RAB3GAP2: variants seen among roughly 807,000 people sequenced by gnomAD.
RAB3GAP2 encodes the protein rab3 GTPase-activating protein non-catalytic subunit.
RAB3GAP2 carries 87 observed loss-of-function variants against 185.3 expected under a neutral mutation model. The observed-to-expected ratio is 0.47, with a 90% CI of 0.39 to 0.56. RAB3GAP2 has a LOEUF of 0.56. Ranked by LOEUF, RAB3GAP2 falls within the 20% of genes least tolerant of loss-of-function variation. RAB3GAP2 has a pLI of 0.00. For synonymous variants in RAB3GAP2, 554 were observed against 576.1 expected (o/e 0.96, Z 0.55); for missense variants, 1,492 against 1,638.2 (o/e 0.91, Z 1.54).
chr1:220,184,305 G>C, intron 18 of RAB3GAP2, 142 bp from the exon 19 acceptor site: 1 of 623,798 alleles, frequency 1.6e-6, no homozygotes, highest in Non-Finnish European at 2.5e-6. Flanking sequence ...AGCTATACCA[G>C]GTTTTGAAAG....
intron 9 of RAB3GAP2, among the ~76,000 whole-genome samples, chr1:220,201,976 C>A (rs1658869064): frequency 6.6e-6 from 1 of 151,992 alleles, no homozygotes; most frequent in Non-Finnish European, 1.5e-5. Context: ...ACCAACCCAG[C>A]CAACATGATG....
At chr1:220,189,980 T>A in intron 16 of RAB3GAP2, 84 bp downstream of exon 16, 1 of 1,245,616 alleles carries the variant, frequency 8.0e-7, no homozygotes, top group Non-Finnish European at 1.2e-6. Context: ...CATGCATTAT[T>A]TTGATTGCTC....
chr1:220,255,097 G>A (rs1361391044), intron 1 of RAB3GAP2, among the ~76,000 whole-genome samples: 1 of 151,538 alleles, frequency 6.6e-6, no homozygotes, highest in African/African-American at 2.4e-5. Context: ...TCTAATGCAC[G>A]TTTTAACATG....
intron 2 of RAB3GAP2, among the ~76,000 whole-genome samples, chr1:220,231,570 G>T (rs187261466): frequency 1.3e-5 from 2 of 151,906 alleles, no homozygotes; most frequent in East Asian, 3.9e-4. Context: ...AACTCCTTCC[G>T]TGTGGCCATG....
intron 24 of RAB3GAP2, among the ~76,000 whole-genome samples, chr1:220,170,354 C>T (rs1291324096): frequency 1.3e-5 from 2 of 151,774 alleles, no homozygotes; most frequent in African/African-American, 4.8e-5. Flanking sequence ...CACCATGGCA[C>T]GTGTATACCT....
intron 1 of RAB3GAP2, among the ~76,000 whole-genome samples, chr1:220,258,156 A>G (rs1291106517): frequency 6.6e-6 from 1 of 152,208 alleles, no homozygotes; most frequent in African/African-American, 2.4e-5. Context: ...ATTCTTCCAG[A>G]GGTACAAAGA....
At chr1:220,269,986 T>A (rs920902931) in intron 1 of RAB3GAP2, among the ~76,000 whole-genome samples, 1 of 152,154 alleles carries the variant, frequency 6.6e-6, no homozygotes, top group South Asian at 2.1e-4. Flanking sequence ...CTTGAAATAG[T>A]ATATTTCACT....
chr1:220,169,070 C>A (rs1373539365), intron 24 of RAB3GAP2, among the ~76,000 whole-genome samples: 1 of 152,042 alleles, frequency 6.6e-6, no homozygotes, highest in African/African-American at 2.4e-5. Context: ...AGAATTAAGC[C>A]CCTGATTCCA....
intron 24 of RAB3GAP2, among the ~76,000 whole-genome samples, chr1:220,169,307 C>T (rs1004419941): frequency 1.3e-5 from 2 of 152,106 alleles, no homozygotes; most frequent in Non-Finnish European, 2.9e-5. Context: ...CCAAAGACAA[C>T]TAAAAATGTA....
At chr1:220,180,036 C>T (rs1658371862) in intron 21 of RAB3GAP2, among the ~76,000 whole-genome samples, 1 of 152,092 alleles carries the variant, frequency 6.6e-6, no homozygotes, top group Non-Finnish European at 1.5e-5. Flanking sequence ...GTGGCGCATG[C>T]CTGTAGTCCC....
intron 21 of RAB3GAP2, among the ~76,000 whole-genome samples, chr1:220,181,904 T>C (rs1658413568): frequency 6.6e-6 from 1 of 150,854 alleles, no homozygotes; most frequent in Non-Finnish European, 1.5e-5. Flanking sequence ...AAAAAAAAAA[T>C]TGCCCAGTAG....
intron 9 of RAB3GAP2, among the ~76,000 whole-genome samples, chr1:220,199,629 C>T (rs1021618890): frequency 6.6e-6 from 1 of 152,146 alleles, no homozygotes; most frequent in Non-Finnish European, 1.5e-5. Flanking sequence ...GAATGTTTAA[C>T]TGTGTCAGAA....
chr1:220,207,572 A>T (rs866847219), intron 7 of RAB3GAP2: 1 of 152,246 alleles, frequency 6.6e-6, no homozygotes, highest in African/African-American at 2.4e-5. Context: ...TGGGGAAGGG[A>T]CATGGCATGT....
intron 31 of RAB3GAP2, 32 bp from the exon 32 acceptor site, chr1:220,154,089 G>C: frequency 1.2e-6 from 2 of 1,611,208 alleles, no homozygotes; most frequent in South Asian, 2.2e-5. Context: ...AAACTGATGA[G>C]TGTGGATTAT....
chr1:220,195,463 C>T (rs903899928), intron 10 of RAB3GAP2, 86 bp from the exon 11 acceptor site: 1 of 1,295,466 alleles, frequency 7.7e-7, no homozygotes, highest in Non-Finnish European at 1.1e-6. Context: ...CTTTAAAATG[C>T]TTTGAAAAGT....
intron 29 of RAB3GAP2, among the ~76,000 whole-genome samples, chr1:220,159,011 A>G (rs1251760405): frequency 2.0e-5 from 3 of 152,160 alleles, no homozygotes; most frequent in African/African-American, 4.8e-5. Context: ...TATTATATAT[A>G]TCATATATAT....
Position 220,157,816 on chromosome 1 carries a change from G to A in RAB3GAP2, c.3322C>T (p.Gln1108Ter). 1 of 1,612,256 alleles carries A rather than the reference G, an allele frequency of 6.2e-7. No homozygotes were observed. The highest frequency in any genetic ancestry group is 8.5e-7 in the Non-Finnish European group (1 of 1,178,338). Residue 1108 changes from glutamine to a stop codon, truncating the protein, a stop_gained, in exon 30 of 35, where the codon CAG becomes TAG. Transcript: ENST00000358951. LOFTEE classifies it high-confidence loss of function. Reference sequence around the variant, plus strand: ...ACCTCTTTTACCTCCATTAAGATCTGAAGAAGATCCAAACAGGAGCCGAGG... The same window carrying A: ...ACCTCTTTTACCTCCATTAAGATCTAAAGAAGATCCAAACAGGAGCCGAGG... ...SFLGSCLDLLQILMEADVSRD... is the reference protein window; with the variant it reads ...SFLGSCLDLL
chr1:220,221,874 G>A (rs572918390), intron 2 of RAB3GAP2, among the ~76,000 whole-genome samples: 1 of 152,156 alleles, frequency 6.6e-6, no homozygotes, highest in African/African-American at 2.4e-5. Flanking sequence ...GTGTTTTTTG[G>A]TTTTTCAGCT....
chr1:220,205,874 A>G, intron 8 of RAB3GAP2, 33 bp downstream of exon 8: 2 of 1,413,952 alleles, frequency 1.4e-6, no homozygotes, highest in Non-Finnish European at 2.0e-6. Context: ...ACAAACATTA[A>G]CAGAGGTTAA....
Sources: allele counts gnomAD v4.1 joint callset (sites outside exome capture counted in the v4.1 genomes callset), GRCh38; gene constraint gnomAD v4.1.1; transcripts MANE v1.5; gene names NCBI Gene and HGNC (gene_info 2026-07-23, HGNC 2026-07-21).